The following DMRT1 variants were observed in gnomAD, a reference collection of about 807,000 sequenced individuals.
DMRT1 encodes the protein doublesex- and mab-3-related transcription factor 1.
Under a neutral mutation model 32.3 loss-of-function variants are expected in DMRT1, and 7 were observed. The observed-to-expected ratio is 0.22, with a 90% confidence interval of 0.12 to 0.41. DMRT1 has a LOEUF of 0.41. Ranked by LOEUF, DMRT1 falls within the 10% of genes least tolerant of loss-of-function variation. The probability of loss-of-function intolerance (pLI) is 1.00; values close to 1 mark genes in which losing one functional copy is unlikely to be tolerated. For synonymous variants in DMRT1, 278 were observed against 206.1 expected (o/e 1.35, Z -2.99); for missense variants, 625 against 500.5 (o/e 1.25, Z -2.37).
chr9:881,812 C>T (rs763120905), intron 2 of DMRT1, among the ~76,000 whole-genome samples: 31 of 152,196 alleles, frequency 2.0e-4, no homozygotes, highest in South Asian at 4.1e-4. Flanking sequence ...TTCTTCTCCA[C>T]CCCCAAACTC....
chr9:923,730 C>G (rs1818429516), intron 4 of DMRT1, among the ~76,000 whole-genome samples: 1 of 152,142 alleles, frequency 6.6e-6, no homozygotes, highest in South Asian at 2.1e-4. Context: ...AGCTGTATTT[C>G]TCAGCCAGTA....
chr9:966,040 C>T (rs1368097946), intron 4 of DMRT1, among the ~76,000 whole-genome samples: 2 of 152,158 alleles, frequency 1.3e-5, no homozygotes, highest in African/African-American at 4.8e-5. Flanking sequence ...AACGCACGGA[C>T]TCCAGGAAGC....
chr9:925,976 A>G (rs1012612650), intron 4 of DMRT1, among the ~76,000 whole-genome samples: 1 of 152,154 alleles, frequency 6.6e-6, no homozygotes, highest in African/African-American at 2.4e-5. Context: ...TTGAGAGTGC[A>G]CTTGGGAATG....
chr9:889,083 G>A (rs1331458689), intron 2 of DMRT1, among the ~76,000 whole-genome samples: 1 of 151,992 alleles, frequency 6.6e-6, no homozygotes, highest in African/African-American at 2.4e-5. Flanking sequence ...ATTTCTTTAC[G>A]TTCCCAGGTA....
intron 3 of DMRT1, among the ~76,000 whole-genome samples, chr9:905,027 A>G (rs977475094): frequency 6.6e-6 from 1 of 152,058 alleles, no homozygotes; most frequent in Non-Finnish European, 1.5e-5. Flanking sequence ...TTGTGGAAAG[A>G]TGAGCCCTTG....
At chr9:922,113 A>G (rs922693820) in intron 4 of DMRT1, among the ~76,000 whole-genome samples, 2 of 152,036 alleles carry the variant, frequency 1.3e-5, no homozygotes, top group East Asian at 3.8e-4. Flanking sequence ...TCCTGGGCTC[A>G]AGCGATCCTC....
At chr9:901,238 C>T (rs1027306516) in intron 3 of DMRT1, among the ~76,000 whole-genome samples, 1 of 152,178 alleles carries the variant, frequency 6.6e-6, no homozygotes, top group Non-Finnish European at 1.5e-5. Flanking sequence ...TGGTCTCAGA[C>T]TCCTGGACAT....
In DMRT1 at chr9:952,360, C is replaced by T. The variant is rs139815626; in HGVS notation, c.968-15625C>T. On this transcript the variant is annotated intron_variant, in intron 4 of 4. Coordinates refer to ENST00000382276, the MANE Select transcript of DMRT1 (RefSeq NM_021951.3). ...TTGTTTTCCTTAGAGTACTCGGCTC[C>T]CAAAGAGGCTCTTCCAACACCTTGG... 1.4e-4 allele frequency among the ~76,000 whole-genome samples: 21 copies of T among 152,206 alleles called. 1 individual carries two copies. The highest frequency in any genetic ancestry group is 5.1e-4 in the African/African-American group (21 of 41,534).
intron 4 of DMRT1, among the ~76,000 whole-genome samples, chr9:951,030 T>C (rs1819410787): frequency 6.6e-6 from 1 of 152,194 alleles, no homozygotes; most frequent in Admixed American, 6.5e-5. Flanking sequence ...TTTGTGTCTT[T>C]TGCCTTTTCT....
At chr9:913,679 G>C (rs1818067713) in intron 3 of DMRT1, among the ~76,000 whole-genome samples, 1 of 151,696 alleles carries the variant, frequency 6.6e-6, no homozygotes, top group African/African-American at 2.4e-5. Flanking sequence ...CGGATCACTT[G>C]AGGCCAGGAA....
chr9:948,101 C>T (rs1274642668), intron 4 of DMRT1, among the ~76,000 whole-genome samples: 1 of 152,182 alleles, frequency 6.6e-6, no homozygotes, highest in African/African-American at 2.4e-5. Flanking sequence ...TCTGAAAACA[C>T]ACCTGTATGG....
At position 847,004 on chromosome 9, in the gene DMRT1, C is replaced by A; in HGVS notation, c.399C>A (p.Ile133=). The part of the protein sequence containing the change: ...RQQAQEEELG[I]SHPIPLPSAA... ...AGGCCCAGGAGGAGGAATTGGGTAT[C>A]AGCCACCCCATCCCACTGCCCAGTG... is the stretch of plus-strand genomic sequence containing the variant. The change falls in exon 2 of 5, where the codon ATC becomes ATA. Residue 133 remains isoleucine (I), a synonymous_variant. Transcript: ENST00000382276. The A allele has an allele frequency of 6.2e-7, 1 of 1,614,170 alleles. No individual in the cohort carries two copies. The highest frequency in any genetic ancestry group is 8.5e-7 in the Non-Finnish European group (1 of 1,180,052).
chr9:852,465 A>G lies in DMRT1; in HGVS notation c.538+5322A>G, dbSNP rs559415371. Among the ~76,000 whole-genome samples, 7 of 148,786 alleles carry G rather than the reference A, an allele frequency of 4.7e-5. No homozygotes were observed. In the East Asian group the frequency reaches 1.2e-3, roughly 25 times the overall value. ...AGGTCTTCTTCCTCTTTGTAAATGT[A>G]GGCTCCTCTTTGTTTTGTTTTATTT... is the stretch of plus-strand genomic sequence containing the variant. On this transcript the variant is annotated intron_variant, in intron 2 of 4. Transcript: ENST00000382276.
intron 2 of DMRT1, among the ~76,000 whole-genome samples, chr9:892,274 C>T (rs986507790): frequency 6.6e-6 from 1 of 152,144 alleles, no homozygotes; most frequent in Non-Finnish European, 1.5e-5. Context: ...TCTTGGCTCT[C>T]CTTTATTCTG....
At chr9:910,043 G>C (rs1429524784) in intron 3 of DMRT1, among the ~76,000 whole-genome samples, 2 of 152,248 alleles carry the variant, frequency 1.3e-5, no homozygotes, top group East Asian at 1.9e-4. Flanking sequence ...TTAAATATCA[G>C]TTTGCAATTA....
intron 4 of DMRT1, among the ~76,000 whole-genome samples, chr9:950,857 A>G (rs531382736): frequency 6.6e-5 from 10 of 152,174 alleles, no homozygotes; most frequent in Admixed American, 1.3e-4. Flanking sequence ...GTCTTTTTCT[A>G]TCACTTTTTG....
chr9:841,817 T>C lies in DMRT1; in HGVS notation c.-22T>C, dbSNP rs905066827. ...CAGGCGAGAGAGGGGGCCAGAGTGC[T>C]CGCACTTCTCCTAGGGGCACCATGC... On this transcript the variant is annotated 5_prime_UTR_variant, in exon 1 of 5. Transcript: ENST00000382276. 3 of 1,598,932 alleles carry C rather than the reference T, an allele frequency of 1.9e-6. No homozygotes were observed. The highest frequency in any genetic ancestry group is 2.6e-6 in the Non-Finnish European group (3 of 1,173,468).
intron 3 of DMRT1, among the ~76,000 whole-genome samples, chr9:900,666 C>T (rs1312282992): frequency 6.6e-6 from 1 of 151,568 alleles, no homozygotes; most frequent in Non-Finnish European, 1.5e-5. Context: ...GAGAAGACAG[C>T]AGAATGCAAA....
At chr9:888,662 A>G (rs1344811644) in intron 2 of DMRT1, among the ~76,000 whole-genome samples, 2 of 151,882 alleles carry the variant, frequency 1.3e-5, no homozygotes, top group Admixed American at 1.3e-4. Context: ...CAGGGGCATG[A>G]AGGTATCTCA....
Sources: gnomAD v4.1 joint callset for allele counts (sites outside exome capture counted in the v4.1 genomes callset) on GRCh38, gnomAD v4.1.1 for gene constraint, MANE v1.5 for transcripts, NCBI Gene and HGNC (gene_info 2026-07-23, HGNC 2026-07-21) for gene names.